The following MOV10L1 variants were observed in gnomAD, a reference collection of about 807,000 sequenced individuals.
The protein encoded by MOV10L1 is Mov10 like RNA helicase 1.
Under a neutral mutation model 143.8 loss-of-function variants are expected in MOV10L1, and 110 were observed. The observed-to-expected ratio is 0.76, with a 90% CI of 0.66 to 0.90. The LOEUF is 0.90. MOV10L1 is among the 40% of genes least tolerant of loss of function. The pLI, the probability that MOV10L1 is intolerant of heterozygous loss-of-function variation, is 0.00. For synonymous variants in MOV10L1, 593 were observed against 581.1 expected, an observed-to-expected ratio of 1.02 and a Z score of -0.29; for missense variants, 1,406 against 1,526.8, an observed-to-expected ratio of 0.92 and a Z score of 1.32.
chr22:50,154,314 T>C (rs2063370209), intron 22 of MOV10L1, among the ~76,000 whole-genome samples: 1 of 152,090 alleles, frequency 6.6e-6, no homozygotes, highest in Non-Finnish European at 1.5e-5. Flanking sequence ...CCCAGCACTT[T>C]GGGAGGCTGA....
At chr22:50,144,564 T>A (rs1212824130) in intron 18 of MOV10L1, among the ~76,000 whole-genome samples, 1 of 151,290 alleles carries the variant, frequency 6.6e-6, no homozygotes, top group Non-Finnish European at 1.5e-5. Flanking sequence ...GTTTTGTTGG[T>A]TTGGTGTTTT....
chr22:50,133,909 G>T (rs2062748270), intron 13 of MOV10L1, 98 bp from the exon 14 acceptor site: 5 of 964,724 alleles, frequency 5.2e-6, no homozygotes, highest in South Asian at 4.6e-5. Flanking sequence ...TTTTTATATT[G>T]ACTTAAAGAT....
chr22:50,158,345 T>C lies in MOV10L1; in HGVS notation c.3216+139T>C. The C allele has an allele frequency of 9.4e-7, 1 of 1,067,048 alleles. No individual in the cohort carries two copies. Among genetic ancestry groups the C allele is most frequent in the Non-Finnish European group, 1.3e-6 (1 of 757,814 alleles). The allele number at this position is 1,067,048 out of a possible 1,614,324, so 66.1% of individuals were successfully genotyped here. On this transcript the variant is annotated intron_variant, in intron 23 of 26. Transcript: ENST00000262794. The surrounding 1 kb of genome is among the most constrained non-coding windows in gnomAD (Gnocchi z 5.0). Reference sequence around the variant, plus strand: ...AAAGGGGCAGGACCGCACTTGAATGTCGTTCAACATGAGAGGTCACCCAAC... The same window carrying C: ...AAAGGGGCAGGACCGCACTTGAATGCCGTTCAACATGAGAGGTCACCCAAC...
intron 1 of MOV10L1, 185 bp downstream of exon 1, chr22:50,090,370 G>C (rs1005289815): frequency 1.6e-5 from 24 of 1,533,774 alleles, no homozygotes; most frequent in Non-Finnish European, 2.0e-5. Context: ...ACAGCATCCC[G>C]CCGCTCTGGG....
At chr22:50,097,765 A>G (rs1325883837) in intron 2 of MOV10L1, among the ~76,000 whole-genome samples, 1 of 152,136 alleles carries the variant, frequency 6.6e-6, no homozygotes, top group Non-Finnish European at 1.5e-5. Context: ...AGAATTTTAG[A>G]TGAGTTTTTC....
chr22:50,100,251 C>G (rs904169257), intron 3 of MOV10L1, among the ~76,000 whole-genome samples: 1 of 152,122 alleles, frequency 6.6e-6, no homozygotes, highest in African/African-American at 2.4e-5. Flanking sequence ...CCTCGGCCTC[C>G]TAAAGTGCTG....
At chr22:50,103,216 G>A (rs1433500465) in intron 3 of MOV10L1, among the ~76,000 whole-genome samples, 1 of 152,220 alleles carries the variant, frequency 6.6e-6, no homozygotes, top group African/African-American at 2.4e-5. Flanking sequence ...CGTGACTGGA[G>A]GAAGAGACCG....
chr22:50,108,144 C>A lies in MOV10L1; in HGVS notation c.451C>A (p.Pro151Thr). The change falls in exon 4 of 27, where the codon CCC becomes ACC. Residue 151 changes from proline to threonine, a missense_variant. This residue lies in a region of MOV10L1 where 1,233 missense variants were observed against 1,351.4 expected (regional missense o/e 0.91). Transcript: ENST00000262794. Reference sequence around the variant, plus strand: ...TTTCCTGGCGGTTTTAGGCTTCGAGCCCTGCAAGGGAGACTGGGTGGAGGC... The same window carrying A: ...TTTCCTGGCGGTTTTAGGCTTCGAGACCTGCAAGGGAGACTGGGTGGAGGC... ...SLESVCEGFE[P>T]CKGDWVEAEY... 6.2e-7 allele frequency: 1 copy of A among 1,613,594 alleles called. No homozygotes were observed. Among genetic ancestry groups the A allele is most frequent in the Non-Finnish European group, 8.5e-7 (1 of 1,179,582 alleles).
intron 15 of MOV10L1, 73 bp from the exon 16 acceptor site, chr22:50,142,007 CG>C: frequency 8.4e-7 from 1 of 1,187,672 alleles, no homozygotes. Flanking sequence ...TAGATGTTTA[CG>C]TTTGCTCTTT....
chr22:50,096,188 A>G (rs1030349585), intron 2 of MOV10L1: 2 of 152,246 alleles, frequency 1.3e-5, no homozygotes, highest in Admixed American at 1.3e-4. Flanking sequence ...CTCTGTACCC[A>G]TTAAACAGTT....
At position 50,159,655 on chromosome 22, in the gene MOV10L1, C is replaced by G. The variant is rs1298112180; in HGVS notation, c.3217-23C>G. ...GGATTTGTACAGTGTTATCTTTAGT[C>G]TTTCTTTTAATCTGTTCTCAAGGTG... On this transcript the variant is annotated intron_variant, in intron 23 of 26. Coordinates refer to ENST00000262794, the MANE Select transcript of MOV10L1 (RefSeq NM_018995.3). This position sits in a 1 kb window ranked among gnomAD's most constrained non-coding sequence, Gnocchi z 4.1. 6.9e-7 allele frequency: 1 copy of G among 1,444,506 alleles called. No individual in the cohort carries two copies. Among genetic ancestry groups the G allele is most frequent in the Non-Finnish European group, 9.6e-7 (1 of 1,037,406 alleles). 89.5% of individuals were successfully genotyped at this position (1,444,506 alleles called of 1,614,324 possible). A position where few individuals can be genotyped will look rare whatever the true frequency, so the allele number is the denominator to read the frequency against.
chr22:50,159,871 A>G lies in MOV10L1; in HGVS notation c.3324+86A>G. On this transcript the variant is annotated intron_variant, in intron 24 of 26. Transcript: ENST00000262794. This position sits in a 1 kb window ranked among gnomAD's most constrained non-coding sequence, Gnocchi z 4.1. ...GGGGGCTTCAGATCTAAAGGGGCAGAGGCTGATTCCCAGCCCAGAGAAGCA... is the reference window on the plus strand; with the variant it reads ...GGGGGCTTCAGATCTAAAGGGGCAGGGGCTGATTCCCAGCCCAGAGAAGCA... 2.4e-6 allele frequency: 2 copies of G among 842,536 alleles called. No individual in the cohort carries two copies. Among genetic ancestry groups the G allele is most frequent in the African/African-American group, 1.7e-5 (1 of 58,484 alleles). 52.2% of individuals were successfully genotyped at this position (842,536 alleles called of 1,614,324 possible).
chr22:50,112,812 G>A (rs549425868), intron 5 of MOV10L1, among the ~76,000 whole-genome samples: 51 of 152,324 alleles, frequency 3.3e-4, no homozygotes, highest in African/African-American at 1.0e-3. Context: ...CCGGGCAGTC[G>A]CATCTGACGA....
chr22:50,111,499 T>TC (rs2052252892), intron 5 of MOV10L1, among the ~76,000 whole-genome samples: 1 of 131,614 alleles, frequency 7.6e-6, no homozygotes, highest in African/African-American at 2.8e-5. Context: ...TTTTTTTTTT[T>TC]TTTTTTTTTT....
rs1481786390 is a variant in MOV10L1 at position 50,090,038 on chromosome 22, C to G, written c.-51C>G. On this transcript the variant is annotated 5_prime_UTR_variant, in exon 1 of 27. Transcript: ENST00000262794. ...GCGGGCGGCGGGAGCGGCGCGGGCG[C>G]GTGCGGGCGGCGGCAGCGGCGGTGA... 2 of 1,128,984 alleles carry G rather than the reference C, an allele frequency of 1.8e-6. No individual in the cohort carries two copies. The highest frequency in any genetic ancestry group is 4.2e-5 in the East Asian group (1 of 23,930). 69.9% of individuals were successfully genotyped at this position (1,128,984 alleles called of 1,614,324 possible). A position where few individuals can be genotyped will look rare whatever the true frequency, so the allele number is the denominator to read the frequency against.
chr22:50,090,640 C>T (rs2062408363), intron 1 of MOV10L1: 1 of 1,190,520 alleles, frequency 8.4e-7, no homozygotes, highest in Non-Finnish European at 1.2e-6. Flanking sequence ...CCGGGATGCG[C>T]CCGGATGCCC....
chr22:50,102,560 G>C (rs1354627647), intron 3 of MOV10L1, among the ~76,000 whole-genome samples: 2 of 152,184 alleles, frequency 1.3e-5, no homozygotes, highest in Non-Finnish European at 2.9e-5. Context: ...CTGCTTCAGA[G>C]AATTCGCATT....
Position 50,144,707 on chromosome 22 carries a change from A to T in MOV10L1, c.2505+464A>T, listed in dbSNP as rs138262. Reference sequence around the variant, plus strand: ...CACCATTCTCTGGCCTCAGCCTCCCAAGTAGCTGGGACTACAGGCACCCGC... The same window carrying T: ...CACCATTCTCTGGCCTCAGCCTCCCTAGTAGCTGGGACTACAGGCACCCGC... On this transcript the variant is annotated intron_variant, in intron 18 of 26. Coordinates refer to ENST00000262794, the MANE Select transcript of MOV10L1 (RefSeq NM_018995.3). Among the ~76,000 whole-genome samples the T allele has an allele frequency of 3.3e-5, 5 of 150,720 alleles. 1 individual carries two copies. In the South Asian group the frequency reaches 8.4e-4, roughly 25 times the overall value.
At chr22:50,127,673 C>T (rs1031411824) in intron 12 of MOV10L1, among the ~76,000 whole-genome samples, 2 of 152,216 alleles carry the variant, frequency 1.3e-5, no homozygotes, top group African/African-American at 4.8e-5. Flanking sequence ...TATTTTTCTA[C>T]CCATACTGTC....
Sources: gnomAD v4.1 joint callset for allele counts (sites outside exome capture counted in the v4.1 genomes callset) on GRCh38, gnomAD v4.1.1 for gene constraint, gnomAD v4.1.1 regional missense constraint, Gnocchi (gnomAD v3.1) non-coding constraint, MANE v1.5 for transcripts, NCBI Gene and HGNC (gene_info 2026-07-23, HGNC 2026-07-21) for gene names.